Variants in ANKS1B observed in about 807,000 individuals in gnomAD.
ANKS1B encodes the protein ankyrin repeat and sterile alpha motif domain-containing protein 1B.
ANKS1B carries 36 observed loss-of-function variants against 148.3 expected under a neutral mutation model. The observed-to-expected ratio is 0.24, with a 90% CI of 0.19 to 0.32. ANKS1B has a LOEUF of 0.32. Among genes scored for constraint, ANKS1B ranks in the 10% least tolerant of loss-of-function variants. The probability of loss-of-function intolerance (pLI) is 1.00; values close to 1 mark genes in which losing one functional copy is unlikely to be tolerated. For synonymous variants in ANKS1B, 542 were observed against 560.8 expected (o/e 0.97, Z 0.47); for missense variants, 1,157 against 1,542.6 (o/e 0.75, Z 4.19).
At chr12:99,493,113 C>A (rs2096570335) in intron 10 of ANKS1B, among the ~76,000 whole-genome samples, 1 of 152,102 alleles carries the variant, frequency 6.6e-6, no homozygotes, top group Non-Finnish European at 1.5e-5. Flanking sequence ...TGTTTGCAGA[C>A]AATATTGCCT....
At chr12:99,442,236 C>T (rs1440440126) in intron 11 of ANKS1B, among the ~76,000 whole-genome samples, 1 of 151,826 alleles carries the variant, frequency 6.6e-6, no homozygotes, top group East Asian at 1.9e-4. Context: ...CACTATGTTA[C>T]CCAGACTGGT....
intron 12 of ANKS1B, among the ~76,000 whole-genome samples, chr12:99,387,161 A>C (rs964566035): frequency 6.6e-6 from 1 of 152,212 alleles, no homozygotes; most frequent in African/African-American, 2.4e-5. Flanking sequence ...GAGTTAAAGA[A>C]GGCTTCACAA....
At chr12:99,227,178 G>A (rs929733442) in intron 14 of ANKS1B, among the ~76,000 whole-genome samples, 2 of 152,020 alleles carry the variant, frequency 1.3e-5, no homozygotes, top group East Asian at 3.9e-4. Context: ...TCATCCCCTT[G>A]GTGCTATTCT....
chr12:99,289,925 A>T lies in ANKS1B; in HGVS notation c.1757-43061T>A, dbSNP rs74481061. 4.8e-4 allele frequency among the ~76,000 whole-genome samples: 73 copies of T among 152,058 alleles called. 1 individual carries two copies. The East Asian group carries it at 0.012, about 26-fold the overall frequency. On this transcript the variant is annotated intron_variant, in intron 12 of 26. Coordinates refer to ENST00000683438, the MANE Select transcript of ANKS1B (RefSeq NM_001352186.2). ...TTACTAGAAGAAAGCAATAATAAAG[A>T]TTAGAGCAGAAATATAACAGAAACA...
chr12:99,344,129 A>G (rs2090327507), intron 12 of ANKS1B, among the ~76,000 whole-genome samples: 1 of 151,900 alleles, frequency 6.6e-6, no homozygotes, highest in Non-Finnish European at 1.5e-5. Context: ...GTCATTCTTA[A>G]TCTGTCTCCC....
At chr12:99,241,097 A>G (rs867314250) in intron 14 of ANKS1B, among the ~76,000 whole-genome samples, 1 of 152,204 alleles carries the variant, frequency 6.6e-6, no homozygotes, top group Non-Finnish European at 1.5e-5. Context: ...CACAAAATCA[A>G]TGAATCCAGG....
chr12:99,261,087 C>A (rs1001974598), intron 12 of ANKS1B, among the ~76,000 whole-genome samples: 15 of 152,144 alleles, frequency 9.9e-5, no homozygotes, highest in Non-Finnish European at 2.9e-5. Context: ...AAGTGGTGTT[C>A]TAGCTCTGCA....
At chr12:99,192,376 G>C (rs142462294) in intron 14 of ANKS1B, among the ~76,000 whole-genome samples, 14 of 152,210 alleles carry the variant, frequency 9.2e-5, no homozygotes, top group African/African-American at 3.1e-4. Context: ...TATCTAGGGA[G>C]AATCTATTTG....
intron 11 of ANKS1B, among the ~76,000 whole-genome samples, chr12:99,409,195 C>T (rs1266117997): frequency 6.6e-6 from 1 of 152,132 alleles, no homozygotes; most frequent in Non-Finnish European, 1.5e-5. Context: ...CTGTCATTTG[C>T]AACAACATGG....
chr12:98,896,782 G>T (rs1157897036), intron 17 of ANKS1B, among the ~76,000 whole-genome samples: 1 of 152,208 alleles, frequency 6.6e-6, no homozygotes, highest in African/African-American at 2.4e-5. Context: ...AATGGGTTTG[G>T]AAGTGAGGCT....
intron 9 of ANKS1B, among the ~76,000 whole-genome samples, chr12:99,517,652 A>G (rs1481515999): frequency 1.3e-5 from 2 of 151,786 alleles, no homozygotes; most frequent in Non-Finnish European, 2.9e-5. Flanking sequence ...TCGCTTGAAT[A>G]TATATAGCCA....
intron 19 of ANKS1B, among the ~76,000 whole-genome samples, chr12:98,814,042 G>A (rs1271619322): frequency 7.7e-5 from 10 of 130,132 alleles, no homozygotes; most frequent in African/African-American, 3.0e-4. Flanking sequence ...CACCACATCT[G>A]GCTGATTTTT....
rs576241514 is a variant in ANKS1B, at chr12:99,025,173, G to T, written c.2778+27984C>A. On this transcript the variant is annotated intron_variant, in intron 17 of 26. Transcript: ENST00000683438. ...ATTAACCATCACCTAAAAGAACTCA[G>T]AATACGATTCATACATTTTCTCTTC... 5.3e-5 allele frequency among the ~76,000 whole-genome samples: 8 copies of T among 152,154 alleles called. No individual in the cohort carries two copies. The South Asian group carries it at 1.7e-3, about 32-fold the overall frequency.
chr12:99,274,133 A>G (rs2077396753), intron 12 of ANKS1B, among the ~76,000 whole-genome samples: 1 of 152,050 alleles, frequency 6.6e-6, no homozygotes, highest in Admixed American at 6.6e-5. Context: ...TGAGGGCTTA[A>G]TAAGGAGTTT....
chr12:99,209,739 C>A (rs923135697), intron 14 of ANKS1B, among the ~76,000 whole-genome samples: 1 of 152,148 alleles, frequency 6.6e-6, no homozygotes, highest in African/African-American at 2.4e-5. Flanking sequence ...TAAAGTTCAC[C>A]TTGATCAAAA....
intron 1 of ANKS1B, among the ~76,000 whole-genome samples, chr12:99,927,128 G>T (rs756498458): frequency 9.2e-5 from 14 of 151,932 alleles, no homozygotes; most frequent in Non-Finnish European, 1.5e-4. Context: ...AGAAAATGAA[G>T]GAGACACACT....
intron 17 of ANKS1B, among the ~76,000 whole-genome samples, chr12:98,892,821 A>G (rs948442410): frequency 6.6e-6 from 1 of 152,222 alleles, no homozygotes; most frequent in African/African-American, 2.4e-5. Flanking sequence ...GGCCCCCATT[A>G]GGGAAACTGT....
At chr12:99,394,050 A>G (rs1484855959) in intron 12 of ANKS1B, among the ~76,000 whole-genome samples, 1 of 152,194 alleles carries the variant, frequency 6.6e-6, no homozygotes, top group Non-Finnish European at 1.5e-5. Context: ...ATGAACACAG[A>G]CTTTAAATAG....
intron 15 of ANKS1B, among the ~76,000 whole-genome samples, chr12:99,133,121 G>A (rs1216681293): frequency 2.0e-5 from 3 of 146,818 alleles, no homozygotes; most frequent in Non-Finnish European, 3.0e-5. Flanking sequence ...GTGCGATCTC[G>A]GCTCACTGCA....
Sources: gnomAD v4.1 joint callset for allele counts (sites outside exome capture counted in the v4.1 genomes callset) on GRCh38, gnomAD v4.1.1 for gene constraint, MANE v1.5 for transcripts, NCBI Gene and HGNC (gene_info 2026-07-23, HGNC 2026-07-21) for gene names.